Variants in PLA2G6 observed in about 807,000 individuals in gnomAD.
PLA2G6 encodes the protein 85/88 kDa calcium-independent phospholipase A2.
In PLA2G6, 62 loss-of-function variants were observed where a neutral mutation model predicts 83.8. The ratio of observed to expected loss-of-function variants is 0.74; its 90% CI spans 0.60 to 0.91. PLA2G6 has a LOEUF of 0.91. PLA2G6 is among the 40% of genes least tolerant of loss of function. The pLI, the probability that PLA2G6 is intolerant of heterozygous loss-of-function variation, is 0.00. For synonymous variants in PLA2G6, 417 were observed against 449.8 expected (o/e 0.93, Z 0.92); for missense variants, 944 against 1,102.0 (o/e 0.86, Z 2.03).
Position 38,145,445 on chromosome 22 carries a change from T to G in PLA2G6, c.418A>C (p.Ile140Leu), listed in dbSNP as rs1677179334. 1 of 1,606,094 alleles carries G rather than the reference T, an allele frequency of 6.2e-7. No individual in the cohort carries two copies. The highest frequency in any genetic ancestry group is 8.5e-7 in the Non-Finnish European group (1 of 1,177,254). The change falls in exon 3 of 17, where the codon ATC becomes CTC. Residue 140 changes from isoleucine to leucine, a missense_variant. Ile to Leu is a conservative substitution (Grantham distance 5, BLOSUM62 2). Coordinates refer to ENST00000332509, the MANE Select transcript of PLA2G6 (RefSeq NM_003560.4). Reference sequence around the variant, plus strand: ...TCTTGTTCCCTTGCTCACCTGATGATACGGCTGTGATGGAAGCACTCGCGG... The same window carrying G: ...TCTTGTTCCCTTGCTCACCTGATGAGACGGCTGTGATGGAAGCACTCGCGG... The part of the protein sequence containing the change: ...GIRECFHHSR[I>L]ISCANCAENE...
rs2088289480 is a variant in PLA2G6, at chr22:38,132,674, GGGA to G, written c.1077+154_1077+156del. On this transcript the variant is annotated intron_variant, in intron 7 of 16. Coordinates refer to ENST00000332509, the MANE Select transcript of PLA2G6 (RefSeq NM_003560.4). The surrounding 1 kb of genome is among the most constrained non-coding windows in gnomAD (Gnocchi z 5.0). ...GAGGGGGACTTGGAAGGCTTCCTGA[GGGA>G]GGAGTCAGGGTCTGAACTGAGCTTT... The G allele has an allele frequency of 1.5e-6, 1 of 678,266 alleles. No individual in the cohort carries two copies. Among genetic ancestry groups the G allele is most frequent in the Admixed American group, 2.6e-5 (1 of 37,972 alleles). 42.0% of individuals were successfully genotyped at this position (678,266 alleles called of 1,614,324 possible). A position where few individuals can be genotyped will look rare whatever the true frequency, so the allele number is the denominator to read the frequency against.
At chr22:38,167,841 C>G (rs564254018) in intron 2 of PLA2G6, 39 of 168,320 alleles carry the variant, frequency 2.3e-4, no homozygotes, top group African/African-American at 8.6e-4. Flanking sequence ...AGAGACCCCT[C>G]CTGCCATGCC....
At chr22:38,166,538 GC>G (rs2090222540) in intron 2 of PLA2G6, among the ~76,000 whole-genome samples, 1 of 152,046 alleles carries the variant, frequency 6.6e-6, no homozygotes, top group Admixed American at 6.6e-5. Context: ...GACCATCCTG[GC>G]TAACACAGTG....
rs1162379803 is a variant in PLA2G6 at position 38,174,779 on chromosome 22, G to A, written c.-45-5308C>T. Among the ~76,000 whole-genome samples the A allele has an allele frequency of 2.0e-5, 3 of 152,138 alleles. No individual in the cohort carries two copies. In the East Asian group the frequency reaches 5.8e-4, roughly 29 times the overall value. Reference sequence around the variant, plus strand: ...GGGACTGGACGGCTCGAGAGGGGAAGGTGCTGAGAGGAGGGGCCGTGGTTA... The same window carrying A: ...GGGACTGGACGGCTCGAGAGGGGAAAGTGCTGAGAGGAGGGGCCGTGGTTA... On this transcript the variant is annotated intron_variant, in intron 1 of 16. Coordinates refer to ENST00000332509, the MANE Select transcript of PLA2G6 (RefSeq NM_003560.4).
At chr22:38,163,758 G>C (rs889819891) in intron 2 of PLA2G6, 1 of 168,066 alleles carries the variant, frequency 6.0e-6, no homozygotes, top group African/African-American at 2.4e-5. Context: ...CTCACTGAAG[G>C]CTGGGTACAG....
At chr22:38,175,473 A>T (rs2090597196) in intron 1 of PLA2G6, among the ~76,000 whole-genome samples, 1 of 151,990 alleles carries the variant, frequency 6.6e-6, no homozygotes, top group South Asian at 2.1e-4. Context: ...CCTCTACTCC[A>T]GCCACGCCGC....
rs1324111017 is a variant in PLA2G6 at position 38,132,117 on chromosome 22, A to G, written c.1077+714T>C. 1.5e-5 allele frequency: 7 copies of G among 455,836 alleles called. No homozygotes were observed. Among genetic ancestry groups the G allele is most frequent in the Non-Finnish European group, 4.4e-6 (1 of 226,864 alleles). The allele number at this position is 455,836 out of a possible 1,614,324, so 28.2% of individuals were successfully genotyped here. ...GCGACAGTGCGAGACTCCATCTCGA[A>G]AAAAAAGAATACATGCACACACATA... On this transcript the variant is annotated intron_variant, in intron 7 of 16. Coordinates refer to ENST00000332509, the MANE Select transcript of PLA2G6 (RefSeq NM_003560.4). This position sits in a 1 kb window ranked among gnomAD's most constrained non-coding sequence, Gnocchi z 5.0.
chr22:38,160,561 T>C (rs2089969096), intron 2 of PLA2G6, among the ~76,000 whole-genome samples: 3 of 152,198 alleles, frequency 2.0e-5, no homozygotes, highest in Non-Finnish European at 4.4e-5. Context: ...AAAGCCTTTA[T>C]CTTGGCCGGG....
At position 38,132,275 on chromosome 22, in the gene PLA2G6, C is replaced by T. The variant is rs961752790; in HGVS notation, c.1077+556G>A. On this transcript the variant is annotated intron_variant, in intron 7 of 16. Transcript: ENST00000332509. The surrounding 1 kb of genome is among the most constrained non-coding windows in gnomAD (Gnocchi z 5.0). ...AACCAACGAATATGCCTGGCACCTG[C>T]CACAGGCTGCTGGGCTGCACACTCA... is the stretch of plus-strand genomic sequence containing the variant. 8.6e-6 allele frequency: 3 copies of T among 347,762 alleles called. No individual in the cohort carries two copies. Among genetic ancestry groups the T allele is most frequent in the African/African-American group, 6.5e-5 (3 of 45,894 alleles). 21.5% of individuals were successfully genotyped at this position (347,762 alleles called of 1,614,324 possible).
intron 1 of PLA2G6, among the ~76,000 whole-genome samples, chr22:38,170,684 G>A (rs2090404380): frequency 6.6e-6 from 1 of 152,124 alleles, no homozygotes; most frequent in African/African-American, 2.4e-5. Context: ...GTGCCAAGAT[G>A]TCACCAGACA....
intron 5 of PLA2G6, chr22:38,135,493 C>T (rs1273910595): frequency 4.3e-6 from 1 of 235,020 alleles, no homozygotes; most frequent in Non-Finnish European, 8.6e-6. Flanking sequence ...CCCTCCACCT[C>T]CTTACCACAC....
Position 38,125,801 on chromosome 22 carries a change from A to G in PLA2G6, c.1427+570T>C, listed in dbSNP as rs966323788. The G allele has an allele frequency of 1.6e-5, 7 of 444,388 alleles. No homozygotes were observed. The Admixed American group carries it at 1.8e-4, about 11-fold the overall frequency. The allele number at this position is 444,388 out of a possible 1,614,324, so 27.5% of individuals were successfully genotyped here. On this transcript the variant is annotated intron_variant, in intron 10 of 16. Transcript: ENST00000332509. The stretch of plus-strand genomic sequence containing the variant: ...CAATCAAGGGAGGTGGCGACAGCAC[A>G]GTGGCTGGAAACGCATTTGTCCTGG...
chr22:38,148,166 A>G, intron 2 of PLA2G6: 1 of 289,508 alleles, frequency 3.5e-6, no homozygotes, highest in African/African-American at 2.3e-5. Context: ...CATTACTTTT[A>G]GTGGAATGGA....
intron 11 of PLA2G6, among the ~76,000 whole-genome samples, 188 bp downstream of exon 11, chr22:38,122,907 A>G (rs1392762938): frequency 3.9e-5 from 6 of 152,156 alleles, no homozygotes; most frequent in Non-Finnish European, 5.9e-5. Context: ...ACCCAAGCCC[A>G]TGGGCCCAGC....
intron 1 of PLA2G6, among the ~76,000 whole-genome samples, chr22:38,172,285 A>G (rs2087237661): frequency 6.6e-6 from 1 of 152,208 alleles, no homozygotes; most frequent in African/African-American, 2.4e-5. Flanking sequence ...TAGTGGGTGG[A>G]GCAGTGAAAG....
rs1016989736 is a variant in PLA2G6 at position 38,143,442 on chromosome 22, G to C, written c.426-154C>G. 4.0e-6 allele frequency: 3 copies of C among 745,630 alleles called. No homozygotes were observed. The Admixed American group carries it at 5.8e-5, about 14-fold the overall frequency. The allele number at this position is 745,630 out of a possible 1,614,324, so 46.2% of individuals were successfully genotyped here. ...TTCCCGCCACTCAGCTAGTTGGGCT[G>C]ATTTGAATGTAATTATATCTGATGT... is the stretch of plus-strand genomic sequence containing the variant. On this transcript the variant is annotated intron_variant, in intron 3 of 16. Transcript: ENST00000332509.
At chr22:38,143,385 C>T (rs1724103014) in intron 3 of PLA2G6, 97 bp from the exon 4 acceptor site, 19 of 1,200,554 alleles carry the variant, frequency 1.6e-5, no homozygotes, top group East Asian at 4.7e-5. Context: ...CTCGGAAACT[C>T]GGACTTTCTG....
At position 38,132,166 on chromosome 22, in the gene PLA2G6, C is replaced by CCT; in HGVS notation, c.1077+663_1077+664dup. 2.2e-6 allele frequency: 1 copy of CCT among 453,264 alleles called. No individual in the cohort carries two copies. The highest frequency in any genetic ancestry group is 4.4e-6 in the Non-Finnish European group (1 of 225,774). 28.1% of individuals were successfully genotyped at this position (453,264 alleles called of 1,614,324 possible). ...TATGTCTGTAACACAGTAACGTCCT[C>CCT]CTCTGCTAGGTTTAATATGTTCATA... is the stretch of plus-strand genomic sequence containing the variant. On this transcript the variant is annotated intron_variant, in intron 7 of 16. Coordinates refer to ENST00000332509, the MANE Select transcript of PLA2G6 (RefSeq NM_003560.4). The surrounding 1 kb of genome is among the most constrained non-coding windows in gnomAD (Gnocchi z 5.0).
chr22:38,162,593 A>G (rs181095214), intron 2 of PLA2G6, among the ~76,000 whole-genome samples: 144 of 152,296 alleles, frequency 9.5e-4, no homozygotes, highest in Middle Eastern at 3.4e-3. Flanking sequence ...ACTGGCGATG[A>G]TAAAGGCCAG....
Sources: allele counts gnomAD v4.1 joint callset (sites outside exome capture counted in the v4.1 genomes callset), GRCh38; gene constraint gnomAD v4.1.1; non-coding constraint Gnocchi (gnomAD v3.1); transcripts MANE v1.5; gene names NCBI Gene and HGNC (gene_info 2026-07-23, HGNC 2026-07-21).